The following NRG1 variants were observed in gnomAD, a reference collection of about 807,000 sequenced individuals.
NRG1 encodes pro-neuregulin-1, membrane-bound isoform.
Under a neutral mutation model 63.8 loss-of-function variants are expected in NRG1, and 18 were observed. The ratio of observed to expected loss-of-function variants is 0.28; its 90% CI spans 0.19 to 0.42. The LOEUF (loss-of-function observed/expected upper bound fraction) is 0.42, where lower values mean the gene tolerates loss of function less well. Among genes scored for constraint, NRG1 ranks in the 10% least tolerant of loss-of-function variants. The probability of loss-of-function intolerance (pLI) is 1.00; values close to 1 mark genes in which losing one functional copy is unlikely to be tolerated. For missense variants in NRG1, 762 were observed against 814.7 expected (o/e 0.94, Z 0.79); for synonymous variants, 302 against 301.3 (o/e 1.00, Z -0.02).
intron 5 of NRG1, among the ~76,000 whole-genome samples, chr8:32,655,047 G>A (rs1284351822): frequency 6.6e-6 from 1 of 152,048 alleles, no homozygotes; most frequent in Non-Finnish European, 1.5e-5. Context: ...CATGTCTTGA[G>A]GCTGTTAGGA....
At chr8:32,453,115 A>G (rs1406183135) in intron 1 of NRG1, among the ~76,000 whole-genome samples, 1 of 152,192 alleles carries the variant, frequency 6.6e-6, no homozygotes. Context: ...CCTGTAACTC[A>G]TTTAAATCTT....
intron 1 of NRG1, among the ~76,000 whole-genome samples, chr8:31,707,715 G>A (rs1377008739): frequency 6.6e-6 from 1 of 151,626 alleles, no homozygotes; most frequent in Admixed American, 6.6e-5. Context: ...TTATCTCTTG[G>A]TATTCTATCT....
chr8:32,119,617 T>C (rs979884050), intron 1 of NRG1, among the ~76,000 whole-genome samples: 2 of 152,114 alleles, frequency 1.3e-5, no homozygotes, highest in African/African-American at 2.4e-5. Context: ...AGATCTGTTG[T>C]ATACCACCTC....
chr8:32,424,703 C>T (rs1235987091), intron 1 of NRG1, among the ~76,000 whole-genome samples: 2 of 151,992 alleles, frequency 1.3e-5, no homozygotes, highest in African/African-American at 4.8e-5. Flanking sequence ...GGCCCCATTT[C>T]TACAAAAATA....
Position 32,673,985 on chromosome 8 carries a change from TC to T in NRG1, c.503-53963del, listed in dbSNP as rs1388194922. Among the ~76,000 whole-genome samples, 3 of 152,178 alleles carry T rather than the reference TC, an allele frequency of 2.0e-5. No homozygotes were observed. In the East Asian group the frequency reaches 5.8e-4, roughly 29 times the overall value. Reference sequence around the variant, plus strand: ...TCATGACGAAAATTGAATAAAGTAATCTTGACTCATTTTAATTTATTTCACC... The same window carrying T: ...TCATGACGAAAATTGAATAAAGTAATTTGACTCATTTTAATTTATTTCACC... On this transcript the variant is annotated intron_variant, in intron 5 of 11. Transcript: ENST00000356819.
chr8:32,124,857 T>C (rs1244130866), intron 1 of NRG1, among the ~76,000 whole-genome samples: 1 of 151,934 alleles, frequency 6.6e-6, no homozygotes. Context: ...GTTAATTCTC[T>C]TAATAACCTA....
upstream of NRG1, among the ~76,000 whole-genome samples, chr8:32,544,837 T>G (rs556383028): frequency 6.6e-6 from 1 of 152,146 alleles, no homozygotes; most frequent in East Asian, 1.9e-4. Flanking sequence ...TATCACTTAG[T>G]TCAGTAAATG....
intron 1 of NRG1, among the ~76,000 whole-genome samples, chr8:31,649,540 T>C (rs1804635367): frequency 6.6e-6 from 1 of 152,202 alleles, no homozygotes; most frequent in South Asian, 2.1e-4. Context: ...TGTTCATTTA[T>C]TCAACTCTTA....
intron 1 of NRG1, among the ~76,000 whole-genome samples, chr8:32,058,852 A>G (rs1026224766): frequency 2.6e-5 from 4 of 152,022 alleles, no homozygotes; most frequent in African/African-American, 9.7e-5. Context: ...TCTTGGTCCC[A>G]TACGCTTTCC....
intron 5 of NRG1, among the ~76,000 whole-genome samples, chr8:32,718,702 T>C (rs995318705): frequency 6.6e-6 from 1 of 152,184 alleles, no homozygotes; most frequent in African/African-American, 2.4e-5. Context: ...ATTTACTTTC[T>C]TACCTCCGCA....
chr8:32,066,188 T>C lies in NRG1; in HGVS notation c.37+426757T>C, dbSNP rs548086113. On this transcript the variant is annotated intron_variant, in intron 1 of 10. Transcript: ENST00000519301. ...TTTGCTGTGCAGAAGCTCTTTAGTT[T>C]AATTAGATCCCATTTGTCAATTTTG... Among the ~76,000 whole-genome samples the C allele has an allele frequency of 4.3e-3, 654 of 152,356 alleles. 3 individuals are homozygous for C. The highest frequency in any genetic ancestry group is 0.015 in the African/African-American group (623 of 41,586).
At chr8:32,671,607 C>G (rs1014406319) in intron 5 of NRG1, among the ~76,000 whole-genome samples, 1 of 152,092 alleles carries the variant, frequency 6.6e-6, no homozygotes, top group Non-Finnish European at 1.5e-5. Flanking sequence ...CACATGCAAC[C>G]AATTTCTTCC....
intron 1 of NRG1, among the ~76,000 whole-genome samples, chr8:32,020,978 G>A (rs981635229): frequency 1.9e-4 from 29 of 152,104 alleles, no homozygotes; most frequent in African/African-American, 7.0e-4. Context: ...AAGGCAACTA[G>A]CATAATGCCT....
chr8:32,478,244 C>G (rs556024341), intron 1 of NRG1, among the ~76,000 whole-genome samples: 3 of 147,048 alleles, frequency 2.0e-5, no homozygotes, highest in South Asian at 4.4e-4. Flanking sequence ...GAGGCATTTG[C>G]CCAGTGGGCT....
intron 1 of NRG1, among the ~76,000 whole-genome samples, chr8:32,183,488 CA>C (rs1841647436): frequency 6.6e-6 from 1 of 152,168 alleles, no homozygotes; most frequent in Non-Finnish European, 1.5e-5. Context: ...GCAGCTAAGT[CA>C]AATCGATAGT....
chr8:31,923,250 C>A (rs1374461475), intron 1 of NRG1, among the ~76,000 whole-genome samples: 1 of 151,764 alleles, frequency 6.6e-6, no homozygotes, highest in Non-Finnish European at 1.5e-5. Flanking sequence ...TTTTTCTGCA[C>A]CTATTAAAAT....
At chr8:32,173,037 T>A (rs564521472) in intron 1 of NRG1, among the ~76,000 whole-genome samples, 2 of 152,120 alleles carry the variant, frequency 1.3e-5, no homozygotes, top group East Asian at 3.9e-4. Context: ...CACATAATTG[T>A]CAGATTCACC....
chr8:32,384,959 T>C (rs569970273), intron 1 of NRG1, among the ~76,000 whole-genome samples: 6 of 152,346 alleles, frequency 3.9e-5, no homozygotes, highest in African/African-American at 1.4e-4. Context: ...AAAAAGTTCC[T>C]GAACTTGTCC....
chr8:31,665,234 A>G (rs1207189618), intron 1 of NRG1, among the ~76,000 whole-genome samples: 1 of 152,184 alleles, frequency 6.6e-6, no homozygotes, highest in Non-Finnish European at 1.5e-5. Flanking sequence ...ATATGACCCA[A>G]ACTTCCTTAA....
Sources: allele counts gnomAD v4.1 joint callset (sites outside exome capture counted in the v4.1 genomes callset), GRCh38; gene constraint gnomAD v4.1.1; transcripts MANE v1.5; gene names NCBI Gene and HGNC (gene_info 2026-07-23, HGNC 2026-07-21).